CLEC12A: variants seen among roughly 807,000 people sequenced by gnomAD.
CLEC12A encodes the protein C-type lectin domain family 12 member A.
In CLEC12A, 22 loss-of-function variants were observed where a neutral mutation model predicts 26.5. That is an observed-to-expected ratio of 0.83 (90% CI 0.59 to 1.19). The LOEUF is 1.19. Ranked by LOEUF, CLEC12A falls within the 50% of genes most tolerant of loss-of-function variation. CLEC12A has a pLI of 0.00. For synonymous variants in CLEC12A, 119 were observed against 101.9 expected (o/e 1.17, Z -1.01); for missense variants, 353 against 315.6 (o/e 1.12, Z -0.90).
intron 1 of CLEC12A, among the ~76,000 whole-genome samples, chr12:9,965,165 C>T (rs1343344455): frequency 1.3e-5 from 2 of 152,136 alleles, no homozygotes; most frequent in Non-Finnish European, 2.9e-5. Context: ...TGCATGCAGA[C>T]ATGAGGGCTA....
downstream of CLEC12A, among the ~76,000 whole-genome samples, chr12:9,996,492 G>A (rs993396520): frequency 1.5e-4 from 23 of 151,976 alleles, no homozygotes; most frequent in Non-Finnish European, 7.4e-5. Context: ...GATATCTTCC[G>A]TATGCGTCTG....
At position 9,971,590 on chromosome 12, in the gene CLEC12A, T is replaced by C; in HGVS notation, c.-7T>C. Reference sequence around the variant, plus strand: ...CACTTTGTCAAGATTTCTTTACATATTCATCAATGTCTGAAGAAGTTACTT... The same window carrying C: ...CACTTTGTCAAGATTTCTTTACATACTCATCAATGTCTGAAGAAGTTACTT... On this transcript the variant is annotated 5_prime_UTR_variant, in exon 1 of 6. Coordinates refer to ENST00000304361, the MANE Select transcript of CLEC12A (RefSeq NM_138337.6). The C allele has an allele frequency of 6.2e-7, 1 of 1,601,508 alleles. No individual in the cohort carries two copies. Among genetic ancestry groups the C allele is most frequent in the South Asian group, 1.1e-5 (1 of 88,496 alleles).
At position 9,959,320 on chromosome 12, in the gene CLEC12A, C is replaced by T. The variant is rs553883526; in HGVS notation, c.10+7964C>T. On this transcript the variant is annotated intron_variant, in intron 1 of 6. Transcript: ENST00000355690. ...ACAAAAAATTAGCTGGGCGTGGTGGCGGGCACCTGTAACCCCAGCTACTCT... is the reference window on the plus strand; with the variant it reads ...ACAAAAAATTAGCTGGGCGTGGTGGTGGGCACCTGTAACCCCAGCTACTCT... Among the ~76,000 whole-genome samples the T allele has an allele frequency of 6.1e-4, 93 of 152,036 alleles. 3 individuals carry two copies. The South Asian group carries it at 8.5e-3, about 14-fold the overall frequency.
chr12:9,996,825 T>G (rs148140609), downstream of CLEC12A: 3 of 1,613,734 alleles, frequency 1.9e-6, no homozygotes, highest in African/African-American at 4.0e-5. Context: ...TCCAAAATAT[T>G]TGACATAAGA....
chr12:9,953,592 G>T (rs1273271070), intron 1 of CLEC12A, among the ~76,000 whole-genome samples: 3 of 150,638 alleles, frequency 2.0e-5, no homozygotes, highest in East Asian at 2.0e-4. Context: ...AGGTGGGGGG[G>T]TCAGCCCCCT....
chr12:10,000,996 T>G, the CLEC12A span, among the ~76,000 whole-genome samples: 1 of 152,198 alleles, frequency 6.6e-6, no homozygotes, highest in African/African-American at 2.4e-5. Context: ...CAAATGACAC[T>G]TTTCCAATAA....
At chr12:9,983,702 T>C (rs1030815191) in intron 5 of CLEC12A, 5 of 498,966 alleles carry the variant, frequency 1.0e-5, no homozygotes, top group African/African-American at 3.9e-5. Context: ...ACTCATCACA[T>C]TGGGCCATAA....
downstream of CLEC12A, among the ~76,000 whole-genome samples, chr12:9,997,723 G>A (rs1002523207): frequency 6.6e-6 from 1 of 152,030 alleles, no homozygotes. Context: ...AAATACAAGA[G>A]GATAAATGTT....
the CLEC12A span, among the ~76,000 whole-genome samples, chr12:10,002,737 C>A: frequency 0.051 from 7,725 of 152,116 alleles, 278 homozygotes; most frequent in African/African-American, 0.097. Flanking sequence ...CCACCGCACC[C>A]GGCAATTTGA....
At position 9,978,989 on chromosome 12, in the gene CLEC12A, T is replaced by C. The variant is rs1267862693; in HGVS notation, c.115T>C (p.Trp39Arg). ...AGCACCTCCAGCTCCCTCTCATGTA[T>C]GGCGTCCAGCAGCCTTGTTTCTGAC... ...EKAPPAPSHV[W>R]RPAALFLTLL... Residue 39 changes from tryptophan to arginine, a missense_variant, in exon 2 of 6, where the codon TGG (tryptophan) becomes CGG (arginine). Trp to Arg is a moderately radical substitution (Grantham distance 101, BLOSUM62 -3). Coordinates refer to ENST00000304361, the MANE Select transcript of CLEC12A (RefSeq NM_138337.6). 5 of 1,614,004 alleles carry C rather than the reference T, an allele frequency of 3.1e-6. No individual in the cohort carries two copies. In the African/African-American group the frequency reaches 4.0e-5, roughly 13 times the overall value.
chr12:9,951,303 T>G, upstream of CLEC12A: 1 of 702,820 alleles, frequency 1.4e-6, no homozygotes. Context: ...CCAACCACAT[T>G]TCTGATTGCC....
At chr12:9,974,851 C>A (rs1023642026) in intron 1 of CLEC12A, among the ~76,000 whole-genome samples, 1 of 152,180 alleles carries the variant, frequency 6.6e-6, no homozygotes, top group Admixed American at 6.6e-5. Flanking sequence ...CCACCCAAAT[C>A]TCATCTTGAA....
intron 5 of CLEC12A, 49 bp downstream of exon 5, chr12:9,982,178 T>C (rs1372938721): frequency 1.0e-6 from 1 of 995,098 alleles, no homozygotes; most frequent in Non-Finnish European, 1.6e-6. Context: ...TGAGTAGAGG[T>C]ATTTTCCTTA....
chr12:9,976,002 A>T (rs897890151), intron 1 of CLEC12A, among the ~76,000 whole-genome samples: 6 of 152,222 alleles, frequency 3.9e-5, no homozygotes, highest in Non-Finnish European at 1.5e-5. Context: ...CACAGAAGTC[A>T]AGAGTTGGGT....
upstream of CLEC12A, among the ~76,000 whole-genome samples, chr12:9,968,865 A>C (rs1864033620): frequency 1.3e-5 from 2 of 152,210 alleles, no homozygotes; most frequent in African/African-American, 4.8e-5. Context: ...TGCAATAAAC[A>C]TGGGAGTGCA....
intron 1 of CLEC12A, 114 bp downstream of exon 1, chr12:9,971,801 C>T: frequency 3.5e-6 from 3 of 864,420 alleles, no homozygotes; most frequent in Non-Finnish European, 3.3e-6. Context: ...TCAATTAAGT[C>T]TCTTATGTTT....
chr12:9,973,117 C>G (rs556449165), intron 1 of CLEC12A, among the ~76,000 whole-genome samples: 2 of 152,206 alleles, frequency 1.3e-5, no homozygotes, highest in South Asian at 4.2e-4. Context: ...AATGTCTACT[C>G]TTAGTCTCTT....
chr12:9,977,312 C>A (rs114983970), intron 1 of CLEC12A, among the ~76,000 whole-genome samples: 3,043 of 152,254 alleles, frequency 0.02, 116 homozygotes, highest in African/African-American at 0.069. Flanking sequence ...ACTGATAAAA[C>A]AACTCTGTTA....
At chr12:9,985,684 A>G (rs73255647), downstream of CLEC12A, 3,913 of 386,764 alleles carry the variant, frequency 0.01, 113 homozygotes, top group African/African-American at 0.07. Flanking sequence ...TAGCTATGCA[A>G]ACATAAGCAT....
Sources: allele counts gnomAD v4.1 joint callset (sites outside exome capture counted in the v4.1 genomes callset), GRCh38; gene constraint gnomAD v4.1.1; transcripts MANE v1.5; gene names NCBI Gene and HGNC (gene_info 2026-07-23, HGNC 2026-07-21).